Variants in ZNF304 observed in about 807,000 individuals in gnomAD.
ZNF304 encodes KRAB-containing zinc finger protein.
A neutral mutation model predicts 7.8 loss-of-function variants in ZNF304; 7 were observed. The ratio of observed to expected loss-of-function variants is 0.90; its 90% CI spans 0.51 to 1.69. ZNF304 has a LOEUF of 1.69. Among genes scored for constraint, ZNF304 ranks in the 40% most tolerant of loss-of-function variants. The pLI is 0.00. For synonymous variants in ZNF304, 280 were observed against 272.4 expected (o/e 1.03, Z -0.27); for missense variants, 669 against 804.8 (o/e 0.83, Z 2.04).
At chr19:57,353,913 C>A in intron 2 of ZNF304, 62 bp downstream of exon 2, 5 of 1,290,686 alleles carry the variant, frequency 3.9e-6, no homozygotes, top group Non-Finnish European at 5.2e-6. Flanking sequence ...TTAGTAACTG[C>A]AAACAATAAA....
rs755712483 is a variant in ZNF304 at position 57,357,134 on chromosome 19, T to C, written c.1265T>C (p.Ile422Thr). ...IHTGARPYECIECGKFFSHNS... is the reference protein window; with the variant it reads ...IHTGARPYECTECGKFFSHNS... Reference sequence around the variant, plus strand: ...ACCGGGGCAAGGCCCTATGAATGCATAGAATGTGGAAAATTCTTTAGCCAT... The same window carrying C: ...ACCGGGGCAAGGCCCTATGAATGCACAGAATGTGGAAAATTCTTTAGCCAT... Residue 422 changes from isoleucine to threonine, a missense_variant, in exon 3 of 3, where the codon ATA becomes ACA. Transcript: ENST00000282286. The C allele has an allele frequency of 6.8e-6, 11 of 1,612,896 alleles. No individual in the cohort carries two copies. In the African/African-American group the frequency reaches 1.1e-4, roughly 16 times the overall value.
chr19:57,355,485 C>T, intron 2 of ZNF304: 2 of 674,618 alleles, frequency 3.0e-6, no homozygotes, highest in Non-Finnish European at 5.3e-6. Context: ...TGCCAAGGCC[C>T]ATAGTGATTC....
intron 1 of ZNF304, among the ~76,000 whole-genome samples, chr19:57,353,484 C>G (rs1007798235): frequency 5.6e-4 from 85 of 152,168 alleles, no homozygotes; most frequent in African/African-American, 2.0e-3. Context: ...TCATGCCAGA[C>G]CCAGAGTTGA....
At chr19:57,354,472 T>C (rs2088312345) in intron 2 of ZNF304, among the ~76,000 whole-genome samples, 1 of 152,248 alleles carries the variant, frequency 6.6e-6, no homozygotes, top group African/African-American at 2.4e-5. Context: ...CACTGTTCCT[T>C]GCTGGCTGTT....
Position 57,356,697 on chromosome 19 carries a change from A to C in ZNF304, c.828A>C (p.Glu276Asp). Reference protein sequence around the residue: ...LINHRKIHSGEISHVCKECGK... With the variant: ...LINHRKIHSGDISHVCKECGK... Reference sequence around the variant, plus strand: ...ATCACAGAAAAATCCACAGTGGAGAAATATCTCATGTGTGTAAGGAGTGTG... The same window carrying C: ...ATCACAGAAAAATCCACAGTGGAGACATATCTCATGTGTGTAAGGAGTGTG... Residue 276 changes from glutamate to aspartate, a missense_variant, in exon 3 of 3, where the codon GAA (glutamate) becomes GAC (aspartate). Glu to Asp is a conservative substitution (Grantham distance 45). Transcript: ENST00000282286. The C allele has an allele frequency of 6.2e-7, 1 of 1,614,246 alleles. No homozygotes were observed. Among genetic ancestry groups the C allele is most frequent in the East Asian group, 2.2e-5 (1 of 44,890 alleles).
rs1210070496 is a variant in ZNF304, at chr19:57,358,844, A to T, written c.*995A>T. The T allele has an allele frequency of 6.6e-6, 1 of 152,164 alleles. No individual in the cohort carries two copies. Among genetic ancestry groups the T allele is most frequent in the Non-Finnish European group, 1.5e-5 (1 of 68,042 alleles). 9.4% of individuals were successfully genotyped at this position (152,164 alleles called of 1,614,324 possible). On this transcript the variant is annotated 3_prime_UTR_variant, in exon 3 of 3. Transcript: ENST00000282286. ...CCTTAACTGTCACGTACTCCCCAGC[A>T]CTGTTGAGGGATTGCTGTCTTCTGT...
In ZNF304 at chr19:57,356,047, G is replaced by A; in HGVS notation, c.178G>A (p.Glu60Lys). Reference sequence around the variant, plus strand: ...GCTTTCAGGTTTTTGGTGTGAAGCAGAACATGAGGCACCTTCTGAGCAGAG... The same window carrying A: ...GCTTTCAGGTTTTTGGTGTGAAGCAAAACATGAGGCACCTTCTGAGCAGAG... ...VATLGFWCEA[E>K]HEAPSEQSVS... The change falls in exon 3 of 3, where the codon GAA becomes AAA. Residue 60 changes from glutamate to lysine, a missense_variant. Coordinates refer to ENST00000282286, the MANE Select transcript of ZNF304 (RefSeq NM_020657.4). The A allele has an allele frequency of 6.2e-7, 1 of 1,607,540 alleles. No individual in the cohort carries two copies. Among genetic ancestry groups the A allele is most frequent in the Non-Finnish European group, 8.5e-7 (1 of 1,175,456 alleles).
chr19:57,355,979 T>A (rs1277563901), intron 2 of ZNF304, 51 bp from the exon 3 acceptor site: 1 of 1,554,066 alleles, frequency 6.4e-7, no homozygotes, highest in African/African-American at 1.4e-5. Flanking sequence ...ATGGGGCTGC[T>A]GCCTCCCACC....
chr19:57,358,979 G>A lies in ZNF304; in HGVS notation c.*1130G>A, dbSNP rs907318091. ...ATCATGATTGCTACAGAAGCACTGA[G>A]ATAATGGAGTGGGGATGACTGTGGC... On this transcript the variant is annotated 3_prime_UTR_variant, in exon 3 of 3. Coordinates refer to ENST00000282286, the MANE Select transcript of ZNF304 (RefSeq NM_020657.4). 1 of 152,154 alleles carries A rather than the reference G, an allele frequency of 6.6e-6. No homozygotes were observed. Among genetic ancestry groups the A allele is most frequent in the African/African-American group, 2.4e-5 (1 of 41,438 alleles). The allele number at this position is 152,154 out of a possible 1,614,324, so 9.4% of individuals were successfully genotyped here. A position where few individuals can be genotyped will look rare whatever the true frequency, so the allele number is the denominator to read the frequency against.
Position 57,356,982 on chromosome 19 carries a change from C to T in ZNF304, c.1113C>T (p.Ala371=). ...RPYKCNKCGK[A]FSRKDTLVQH... is the part of the protein sequence containing the mutation. ...ATAAGTGCAACAAATGTGGGAAAGC[C>T]TTTAGCCGTAAAGACACACTTGTTC... is the stretch of plus-strand genomic sequence containing the variant. The change falls in exon 3 of 3, where the codon GCC becomes GCT. Residue 371 remains alanine, a synonymous_variant. Coordinates refer to ENST00000282286, the MANE Select transcript of ZNF304 (RefSeq NM_020657.4). 6.2e-7 allele frequency: 1 copy of T among 1,605,864 alleles called. No homozygotes were observed. The highest frequency in any genetic ancestry group is 1.1e-5 in the South Asian group (1 of 90,604).
At position 57,356,755 on chromosome 19, in the gene ZNF304, A is replaced by G. The variant is rs764967831; in HGVS notation, c.886A>G (p.Met296Val). 8 of 1,614,214 alleles carry G rather than the reference A, an allele frequency of 5.0e-6. No individual in the cohort carries two copies. The highest frequency in any genetic ancestry group is 6.8e-6 in the Non-Finnish European group (8 of 1,180,040). ...KAFIHLHHLK[M>V]HQKFHTGKRH... is the part of the protein sequence containing the mutation. ...CTTCATTCACTTGCACCACCTAAAA[A>G]TGCACCAGAAATTTCACACTGGAAA... Residue 296 changes from methionine (M) to valine (V), a missense_variant, in exon 3 of 3, where the codon ATG becomes GTG. By Grantham distance (21) the Met-to-Val change is conservative (BLOSUM62 1). Coordinates refer to ENST00000282286, the MANE Select transcript of ZNF304 (RefSeq NM_020657.4).
rs752091370 is a variant in ZNF304 at position 57,358,619 on chromosome 19, G to A, written c.*770G>A. 4 of 152,244 alleles carry A rather than the reference G, an allele frequency of 2.6e-5. No homozygotes were observed. Among genetic ancestry groups the A allele is most frequent in the Non-Finnish European group, 5.9e-5 (4 of 68,082 alleles). The allele number at this position is 152,244 out of a possible 1,614,324, so 9.4% of individuals were successfully genotyped here. ...GCACCACCTTTATGTGCCTCAGAGGGGACCAAAGGATGGCAGAAAACTGTT... is the reference window on the plus strand; with the variant it reads ...GCACCACCTTTATGTGCCTCAGAGGAGACCAAAGGATGGCAGAAAACTGTT... On this transcript the variant is annotated 3_prime_UTR_variant, in exon 3 of 3. Transcript: ENST00000282286.
chr19:57,355,240 G>A (rs578072223), intron 2 of ZNF304: 45 of 764,178 alleles, frequency 5.9e-5, no homozygotes, highest in Admixed American at 1.4e-4. Context: ...GTCTACCTGC[G>A]CCACTCACCT....
Position 57,351,916 on chromosome 19 carries a change from ACT to A in ZNF304, c.33+224_33+225del, listed in dbSNP as rs1302210989. The stretch of plus-strand genomic sequence containing the variant: ...AGAATGAGTTTGGGGAGTTCCGGGA[ACT>A]CTCTGTGCCTGGTGAGAACAGGGAC... On this transcript the variant is annotated intron_variant, in intron 1 of 2. Coordinates refer to ENST00000282286, the MANE Select transcript of ZNF304 (RefSeq NM_020657.4). The surrounding 1 kb of genome is among the most constrained non-coding windows in gnomAD (Gnocchi z 4.1). The A allele has an allele frequency of 7.6e-6, 4 of 529,024 alleles. No individual in the cohort carries two copies. The highest frequency in any genetic ancestry group is 2.0e-5 in the African/African-American group (1 of 50,380). 32.8% of individuals were successfully genotyped at this position (529,024 alleles called of 1,614,324 possible). A position where few individuals can be genotyped will look rare whatever the true frequency, so the allele number is the denominator to read the frequency against.
chr19:57,356,704 C>T lies in ZNF304; in HGVS notation c.835C>T (p.His279Tyr), dbSNP rs762038911. The T allele has an allele frequency of 1.2e-6, 2 of 1,614,214 alleles. No individual in the cohort carries two copies. The highest frequency in any genetic ancestry group is 2.2e-5 in the South Asian group (2 of 91,084). ...HRKIHSGEIS[H>Y]VCKECGKAFI... ...AAAAATCCACAGTGGAGAAATATCT[C>T]ATGTGTGTAAGGAGTGTGGAAAAGC... Residue 279 changes from histidine to tyrosine, a missense_variant, in exon 3 of 3, where the codon CAT (histidine) becomes TAT (tyrosine). His to Tyr is a moderately conservative substitution (Grantham distance 83). Transcript: ENST00000282286.
Position 57,357,343 on chromosome 19 carries a change from C to A in ZNF304, c.1474C>A (p.Gln492Lys), listed in dbSNP as rs1305198050. 1 of 1,613,676 alleles carries A rather than the reference C, an allele frequency of 6.2e-7. No homozygotes were observed. Among genetic ancestry groups the A allele is most frequent in the South Asian group, 1.1e-5 (1 of 91,040 alleles). Residue 492 changes from glutamine (Q) to lysine (K), a missense_variant, in exon 3 of 3, where the codon CAA (glutamine) becomes AAA (lysine). Coordinates refer to ENST00000282286, the MANE Select transcript of ZNF304 (RefSeq NM_020657.4). ...KAFSRKDTLVQHQKIHTGERP... is the reference protein window; with the variant it reads ...KAFSRKDTLVKHQKIHTGERP... ...CTTCAGCCGTAAAGACACACTTGTG[C>A]AACACCAAAAAATCCACACTGGAGA... is the stretch of plus-strand genomic sequence containing the variant.
chr19:57,355,602 C>T (rs954591486), intron 2 of ZNF304, among the ~76,000 whole-genome samples: 3 of 152,208 alleles, frequency 2.0e-5, no homozygotes, highest in African/African-American at 4.8e-5. Context: ...CTCCGTGTTT[C>T]AATTGCTCTC....
In ZNF304 at chr19:57,353,709, G is replaced by A. The variant is rs2088302357; in HGVS notation, c.34-16G>A. 1.2e-6 allele frequency: 2 copies of A among 1,603,468 alleles called. No individual in the cohort carries two copies. On this transcript the variant is annotated splice_polypyrimidine_tract_variant and intron_variant, in intron 1 of 2. Transcript: ENST00000282286. ...AGAGATGCTGACTGTGGACTCAGCT[G>A]TACTTATCATGGCAGAGTTGTGTGA...
Position 57,358,051 on chromosome 19 carries a change from GGT to G in ZNF304, c.*207_*208del, listed in dbSNP as rs2088371952. The G allele has an allele frequency of 3.2e-6, 2 of 622,500 alleles. No individual in the cohort carries two copies. Among genetic ancestry groups the G allele is most frequent in the Admixed American group, 6.4e-5 (2 of 31,150 alleles). 38.6% of individuals were successfully genotyped at this position (622,500 alleles called of 1,614,324 possible). A position where few individuals can be genotyped will look rare whatever the true frequency, so the allele number is the denominator to read the frequency against. On this transcript the variant is annotated 3_prime_UTR_variant, in exon 3 of 3. Transcript: ENST00000282286. Reference sequence around the variant, plus strand: ...CCACATATGTGGGAGGCTTTCATGAGGTGTGTTGCACTTTGTAACTGTCTAGA... The same window carrying G: ...CCACATATGTGGGAGGCTTTCATGAGGTGTTGCACTTTGTAACTGTCTAGA...
Sources: gnomAD v4.1 joint callset for allele counts (sites outside exome capture counted in the v4.1 genomes callset) on GRCh38, gnomAD v4.1.1 for gene constraint, Gnocchi (gnomAD v3.1) non-coding constraint, MANE v1.5 for transcripts, NCBI Gene and HGNC (gene_info 2026-07-23, HGNC 2026-07-21) for gene names.